The following PPDPFL variants were observed in gnomAD, a reference collection of about 807,000 sequenced individuals.
The protein encoded by PPDPFL is pancreatic progenitor cell differentiation and proliferation factor like.
A neutral mutation model predicts 12.6 loss-of-function variants in PPDPFL; 12 were observed. The observed-to-expected ratio is 0.95, with a 90% CI of 0.61 to 1.54. PPDPFL has a LOEUF of 1.54. Ranked by LOEUF, PPDPFL falls within the 40% of genes most tolerant of loss-of-function variation. PPDPFL has a pLI of 0.00. For missense variants in PPDPFL, 114 were observed against 96.0 expected (o/e 1.19, Z -0.78); for synonymous variants, 24 against 32.7 (o/e 0.73, Z 0.91).
At chr8:49,059,293 A>G (rs1359643063) in intron 1 of PPDPFL, among the ~76,000 whole-genome samples, 1 of 152,106 alleles carries the variant, frequency 6.6e-6, no homozygotes, top group Non-Finnish European at 1.5e-5. Context: ...AAAGCACAAT[A>G]CTTAAGGCCT....
At chr8:49,074,518 C>A in intron 4 of PPDPFL, 185 bp downstream of exon 4, 1 of 1,537,486 alleles carries the variant, frequency 6.5e-7, no homozygotes, top group Non-Finnish European at 8.7e-7. Context: ...AGGTCGCTGT[C>A]AGGAAGATCA....
intron 1 of PPDPFL, among the ~76,000 whole-genome samples, chr8:49,065,196 A>C (rs1808275586): frequency 6.6e-6 from 1 of 152,228 alleles, no homozygotes; most frequent in Non-Finnish European, 1.5e-5. Flanking sequence ...TAAACGGAGA[A>C]CATACTGAGG....
At chr8:49,058,112 T>C (rs1808140182) in intron 1 of PPDPFL, among the ~76,000 whole-genome samples, 2 of 152,190 alleles carry the variant, frequency 1.3e-5, no homozygotes, top group Non-Finnish European at 2.9e-5. Flanking sequence ...GTAAAAATTA[T>C]CCATTGTGGA....
chr8:49,071,911 C>T (rs561783789), upstream of PPDPFL, among the ~76,000 whole-genome samples: 1 of 152,300 alleles, frequency 6.6e-6, no homozygotes, highest in East Asian at 1.9e-4. Flanking sequence ...TCTTGCTCCG[C>T]TTTGACCGTG....
In PPDPFL at chr8:49,075,223, T is replaced by C; in HGVS notation, c.*50T>C. The stretch of plus-strand genomic sequence containing the variant: ...GATGAACATGTTGGTAACGGTTGCC[T>C]GCCTTATGTAGCATGAACAGTTGAT... On this transcript the variant is annotated 3_prime_UTR_variant, in exon 5 of 5. Coordinates refer to ENST00000522267, the MANE Select transcript of PPDPFL (RefSeq NM_001256597.2). The C allele has an allele frequency of 1.9e-6, 3 of 1,614,046 alleles. No individual in the cohort carries two copies. The highest frequency in any genetic ancestry group is 2.5e-6 in the Non-Finnish European group (3 of 1,179,884).
chr8:49,074,111 C>G lies in PPDPFL; in HGVS notation c.108C>G (p.Phe36Leu). 1 of 1,612,990 alleles carries G rather than the reference C, an allele frequency of 6.2e-7. No individual in the cohort carries two copies. The highest frequency in any genetic ancestry group is 8.5e-7 in the Non-Finnish European group (1 of 1,179,022). ...TAACTAGCTCTGATTCTGTTAACTT[C>G]ATAGATGACGACAAACCACAGCAAG... ...SSLTSSDSVN[F>L]IDDDKPQQGL... Residue 36 changes from phenylalanine (F) to leucine (L), a missense_variant, in exon 3 of 5, where the codon TTC (phenylalanine) becomes TTG (leucine). Coordinates refer to ENST00000522267, the MANE Select transcript of PPDPFL (RefSeq NM_001256597.2).
intron 1 of PPDPFL, among the ~76,000 whole-genome samples, chr8:49,063,123 G>A (rs1563298573): frequency 6.6e-6 from 1 of 152,186 alleles, no homozygotes; most frequent in Non-Finnish European, 1.5e-5. Context: ...TGACATGCTT[G>A]TTAGGGCGGT....
At chr8:49,074,943 G>C in intron 4 of PPDPFL, 2 of 1,375,510 alleles carry the variant, frequency 1.5e-6, no homozygotes, top group East Asian at 5.1e-5. Flanking sequence ...GAAATATAGT[G>C]ATTCTGATGA....
At chr8:49,068,772 TTAAC>T (rs1367789817), upstream of PPDPFL, among the ~76,000 whole-genome samples, 3 of 152,042 alleles carry the variant, frequency 2.0e-5, no homozygotes, top group Non-Finnish European at 4.4e-5. Context: ...AAAGGATAAA[TTAAC>T]TAAATTTACA....
At chr8:49,060,593 G>A (rs1238929152) in intron 1 of PPDPFL, among the ~76,000 whole-genome samples, 1 of 152,162 alleles carries the variant, frequency 6.6e-6, no homozygotes, top group East Asian at 1.9e-4. Context: ...GATTACAGCT[G>A]TGAGCCACCG....
intron 1 of PPDPFL, among the ~76,000 whole-genome samples, chr8:49,057,841 C>T (rs1808135570): frequency 6.6e-6 from 1 of 152,026 alleles, no homozygotes; most frequent in African/African-American, 2.4e-5. Context: ...GTCTAATGTA[C>T]AATCAGAGAT....
At chr8:49,068,149 T>C (rs921888374), upstream of PPDPFL, among the ~76,000 whole-genome samples, 2 of 152,220 alleles carry the variant, frequency 1.3e-5, no homozygotes, top group Non-Finnish European at 2.9e-5. Flanking sequence ...TAAACTACCA[T>C]ATCTGTCAGG....
At chr8:49,070,044 A>G (rs1194897357), upstream of PPDPFL, among the ~76,000 whole-genome samples, 1 of 152,228 alleles carries the variant, frequency 6.6e-6, no homozygotes, top group Non-Finnish European at 1.5e-5. Context: ...CATAGACACC[A>G]TGGAATATTA....
At chr8:49,069,881 G>GC (rs1808351919), upstream of PPDPFL, among the ~76,000 whole-genome samples, 1 of 152,176 alleles carries the variant, frequency 6.6e-6, no homozygotes, top group South Asian at 2.1e-4. Context: ...CTTGCAGTGA[G>GC]CCGAGATCGC....
chr8:49,074,818 C>G, intron 4 of PPDPFL: 1 of 1,419,426 alleles, frequency 7.0e-7, no homozygotes, highest in African/African-American at 1.4e-5. Context: ...CTGACTAGCA[C>G]AGTTGTAATT....
intron 1 of PPDPFL, among the ~76,000 whole-genome samples, chr8:49,060,704 C>T (rs1304481110): frequency 6.6e-6 from 1 of 151,884 alleles, no homozygotes; most frequent in East Asian, 1.9e-4. Context: ...AATTTTATAC[C>T]AGAAAATATG....
At chr8:49,071,922 G>A (rs1430467493), upstream of PPDPFL, among the ~76,000 whole-genome samples, 2 of 152,116 alleles carry the variant, frequency 1.3e-5, no homozygotes, top group Non-Finnish European at 2.9e-5. Flanking sequence ...TTTGACCGTG[G>A]GACTCTGCCT....
intron 2 of PPDPFL, among the ~76,000 whole-genome samples, chr8:49,073,387 G>C (rs965655754): frequency 2.0e-5 from 3 of 152,128 alleles, no homozygotes; most frequent in African/African-American, 7.2e-5. Flanking sequence ...AGAGAAGATT[G>C]AGAAATTTCA....
In PPDPFL at chr8:49,055,122, C is replaced by T. The variant is rs150422557; in HGVS notation, c.-45+753C>T. ...TTAGAGAATGGCACTATGGTTTCTT[C>T]CTTGGCTGTGGATCAGTTGGTTTCT... is the stretch of plus-strand genomic sequence containing the variant. On this transcript the variant is annotated intron_variant, in intron 1 of 4. Coordinates refer to the PPDPFL transcript ENST00000517663. Among the ~76,000 whole-genome samples, 498 of 152,214 alleles carry T rather than the reference C, an allele frequency of 3.3e-3. 6 individuals are homozygous for T. Among genetic ancestry groups the T allele is most frequent in the Middle Eastern group, 0.01 (3 of 294 alleles).
Sources: allele counts gnomAD v4.1 joint callset (sites outside exome capture counted in the v4.1 genomes callset), GRCh38; gene constraint gnomAD v4.1.1; transcripts MANE v1.5; gene names NCBI Gene and HGNC (gene_info 2026-07-23, HGNC 2026-07-21).